The following GLYATL2 variants were observed in gnomAD, a reference collection of about 807,000 sequenced individuals.
GLYATL2 encodes glycine N-acyltransferase-like protein 2.
Under a neutral mutation model 21.4 loss-of-function variants are expected in GLYATL2, and 25 were observed. The observed-to-expected ratio is 1.17, with a 90% CI of 0.85 to 1.63. The LOEUF is 1.63. GLYATL2 is among the 40% of genes most tolerant of loss of function. The probability of loss-of-function intolerance (pLI) is 0.00; values close to 1 mark genes in which losing one functional copy is unlikely to be tolerated. For missense variants in GLYATL2, 361 were observed against 343.3 expected (o/e 1.05, Z -0.41); for synonymous variants, 114 against 118.2 (o/e 0.96, Z 0.23).
rs1329330224 is a variant in GLYATL2 at position 58,837,363 on chromosome 11, G to A, written c.221C>T (p.Thr74Ile). The A allele has an allele frequency of 3.7e-6, 6 of 1,613,388 alleles. No individual in the cohort carries two copies. Among genetic ancestry groups the A allele is most frequent in the Non-Finnish European group, 4.2e-6 (5 of 1,179,358 alleles). The change falls in exon 4 of 6, where the codon ACT (threonine) becomes ATT (isoleucine). Residue 74 changes from threonine (T) to isoleucine (I), a missense_variant. Coordinates refer to ENST00000287275, the MANE Select transcript of GLYATL2 (RefSeq NM_145016.4). ...AGGAGCTTTGGTGAAGATGTGGTAA[G>A]TGTTGGTATAATGATCCTGGTCATC... ...MKDDQDHYTN[T>I]YHIFTKAPDK... is the part of the protein sequence containing the mutation.
chr11:58,867,088 C>A (rs898842081), intron 1 of GLYATL2, among the ~76,000 whole-genome samples: 1 of 148,914 alleles, frequency 6.7e-6, no homozygotes, highest in Non-Finnish European at 1.5e-5. Context: ...CTCAGCCATG[C>A]GGTTCCCATT....
At position 58,852,673 on chromosome 11, in the gene GLYATL2, C is replaced by A. The variant is rs1853762565; in HGVS notation, n.61-14305G>T. Among the ~76,000 whole-genome samples, 6 of 152,198 alleles carry A rather than the reference C, an allele frequency of 3.9e-5. No homozygotes were observed. The South Asian group carries it at 1.2e-3, about 31-fold the overall frequency. ...GCCAAGAGCTCTCAAGTGAGATGTA[C>A]AGACAAATATTCTTCTTCTAATTGC... On this transcript the variant is annotated intron_variant and non_coding_transcript_variant, in intron 1 of 4. Coordinates refer to the GLYATL2 transcript ENST00000533636.
At chr11:58,846,344 GA>G (rs928238695), upstream of GLYATL2, among the ~76,000 whole-genome samples, 68 of 151,916 alleles carry the variant, frequency 4.5e-4, no homozygotes, top group Non-Finnish European at 1.2e-4. Flanking sequence ...CAACTACACA[GA>G]AAAAAATACC....
chr11:58,905,633 G>A (rs1446655994), upstream of GLYATL2: 1 of 456,222 alleles, frequency 2.2e-6, no homozygotes, highest in South Asian at 1.5e-5. Context: ...GCAGGAAGAA[G>A]CAGGGCAGTG....
At chr11:58,877,184 G>A (rs1206902801) in intron 1 of GLYATL2, among the ~76,000 whole-genome samples, 1 of 152,254 alleles carries the variant, frequency 6.6e-6, no homozygotes, top group Non-Finnish European at 1.5e-5. Flanking sequence ...GGTGCCATCT[G>A]TCACCCCTTT....
At chr11:58,888,662 A>G (rs567098581) in intron 1 of GLYATL2, among the ~76,000 whole-genome samples, 3 of 151,708 alleles carry the variant, frequency 2.0e-5, no homozygotes, top group Non-Finnish European at 4.4e-5. Context: ...TTCTCATGCT[A>G]TTTCATTGTT....
intron 1 of GLYATL2, chr11:58,878,258 A>G: frequency 7.7e-6 from 3 of 387,724 alleles, no homozygotes; most frequent in South Asian, 4.2e-5. Context: ...CTTTTATCAG[A>G]CTGTGCCAGA....
intron 1 of GLYATL2, among the ~76,000 whole-genome samples, chr11:58,889,684 G>A (rs918714666): frequency 1.8e-4 from 27 of 151,690 alleles, no homozygotes; most frequent in African/African-American, 6.1e-4. Flanking sequence ...AAGATCTTCC[G>A]ATCAAAGCCA....
intron 1 of GLYATL2, among the ~76,000 whole-genome samples, chr11:58,842,889 G>A (rs1853578993): frequency 6.6e-6 from 1 of 151,806 alleles, no homozygotes; most frequent in African/African-American, 2.4e-5. Context: ...CCAAAAATTA[G>A]GTAAATAATT....
chr11:58,896,045 T>TG (rs1854629161), intron 1 of GLYATL2, among the ~76,000 whole-genome samples: 1 of 152,088 alleles, frequency 6.6e-6, no homozygotes, highest in Non-Finnish European at 1.5e-5. Context: ...TTTAGTAGGA[T>TG]GGGGTTTCAC....
chr11:58,835,993 T>G, intron 5 of GLYATL2, among the ~76,000 whole-genome samples: 1 of 152,204 alleles, frequency 6.6e-6, no homozygotes, highest in East Asian at 1.9e-4. Flanking sequence ...GTTTAAATTC[T>G]ATTTATTTTT....
At chr11:58,860,123 T>G (rs1261448032) in intron 1 of GLYATL2, among the ~76,000 whole-genome samples, 1 of 152,160 alleles carries the variant, frequency 6.6e-6, no homozygotes, top group Non-Finnish European at 1.5e-5. Flanking sequence ...TACACATACA[T>G]TTTTTGGTGT....
At chr11:58,885,790 A>C (rs1463356171) in intron 1 of GLYATL2, among the ~76,000 whole-genome samples, 2 of 152,202 alleles carry the variant, frequency 1.3e-5, no homozygotes, top group African/African-American at 4.8e-5. Flanking sequence ...CTCACAGATT[A>C]AGGGCCCTTT....
intron 1 of GLYATL2, among the ~76,000 whole-genome samples, chr11:58,851,565 A>AT (rs771005252): frequency 2.7e-4 from 8 of 29,872 alleles, no homozygotes; most frequent in South Asian, 2.1e-3. Flanking sequence ...ATTAAAAAGA[A>AT]TTAAAAAAAC....
the GLYATL2 span, among the ~76,000 whole-genome samples, chr11:58,909,646 G>A: frequency 2.0e-5 from 3 of 152,186 alleles, no homozygotes; most frequent in Non-Finnish European, 2.9e-5. Context: ...TATATTTGGC[G>A]AATAAGACAG....
intron 1 of GLYATL2, among the ~76,000 whole-genome samples, chr11:58,850,558 A>G (rs1853722740): frequency 1.3e-5 from 2 of 152,172 alleles, no homozygotes; most frequent in African/African-American, 4.8e-5. Flanking sequence ...CTGAAGGGGC[A>G]TGGTGAGAAG....
chr11:58,891,343 A>G (rs778183029), intron 1 of GLYATL2, among the ~76,000 whole-genome samples: 3 of 152,182 alleles, frequency 2.0e-5, no homozygotes, highest in Non-Finnish European at 4.4e-5. Flanking sequence ...CTTTCTTTCA[A>G]ACCCATGAGT....
At chr11:58,894,806 G>C (rs1316342816) in intron 1 of GLYATL2, among the ~76,000 whole-genome samples, 1 of 152,144 alleles carries the variant, frequency 6.6e-6, no homozygotes, top group Non-Finnish European at 1.5e-5. Context: ...GGCTGATTTG[G>C]TACATTGACT....
At chr11:58,847,961 C>T (rs1943293), upstream of GLYATL2, among the ~76,000 whole-genome samples, 133,180 of 150,020 alleles carry the variant, frequency 0.89, 60,296 homozygotes, top group Non-Finnish European at 0.98. Flanking sequence ...TGTCACTCCA[C>T]CCCCAATTTT....
Sources: gnomAD v4.1 joint callset for allele counts (sites outside exome capture counted in the v4.1 genomes callset) on GRCh38, gnomAD v4.1.1 for gene constraint, MANE v1.5 for transcripts, NCBI Gene and HGNC (gene_info 2026-07-23, HGNC 2026-07-21) for gene names.